GPBP1L1: variants seen among roughly 807,000 people sequenced by gnomAD.
GPBP1L1 encodes GC-rich promoter binding protein 1 like 1.
Under a neutral mutation model 52.5 loss-of-function variants are expected in GPBP1L1, and 23 were observed. That is an observed-to-expected ratio of 0.44 (90% CI 0.32 to 0.62). GPBP1L1 has a LOEUF of 0.62. GPBP1L1 is among the 20% of genes least tolerant of loss of function. The probability of loss-of-function intolerance (pLI) is 0.06; values close to 1 mark genes in which losing one functional copy is unlikely to be tolerated. For synonymous variants in GPBP1L1, 243 were observed against 203.1 expected, an observed-to-expected ratio of 1.20 and a Z score of -1.67; for missense variants, 596 against 579.3, an observed-to-expected ratio of 1.03 and a Z score of -0.30.
At chr1:45,633,672 G>A (rs1445854030) in intron 9 of GPBP1L1, 25 bp from the exon 10 acceptor site, 6 of 1,609,336 alleles carry the variant, frequency 3.7e-6, no homozygotes, top group Non-Finnish European at 5.1e-6. Context: ...CAAACAGGTT[G>A]CTCCTGACAG....
intron 2 of GPBP1L1, among the ~76,000 whole-genome samples, chr1:45,662,702 C>T (rs765456653): frequency 6.6e-6 from 1 of 152,102 alleles, no homozygotes. Context: ...TCAAGTTGAG[C>T]GATGGGTACA....
At chr1:45,684,408 C>T (rs1645254079) in intron 2 of GPBP1L1, among the ~76,000 whole-genome samples, 1 of 151,968 alleles carries the variant, frequency 6.6e-6, no homozygotes, top group African/African-American at 2.4e-5. Flanking sequence ...GTATGATTCA[C>T]GATTGTGTCT....
chr1:45,639,084 T>C (rs765276714), intron 8 of GPBP1L1, among the ~76,000 whole-genome samples: 5 of 152,082 alleles, frequency 3.3e-5, no homozygotes, highest in Non-Finnish European at 5.9e-5. Flanking sequence ...AAAAATCATA[T>C]ATATCAAGCA....
chr1:45,685,095 T>G (rs1047409906), intron 2 of GPBP1L1, among the ~76,000 whole-genome samples: 1 of 151,924 alleles, frequency 6.6e-6, no homozygotes, highest in African/African-American at 2.4e-5. Context: ...AAAGACAGTC[T>G]CTTGTTCAAA....
At chr1:45,642,094 C>T (rs1210225984) in intron 7 of GPBP1L1, among the ~76,000 whole-genome samples, 1 of 152,068 alleles carries the variant, frequency 6.6e-6, no homozygotes, top group African/African-American at 2.4e-5. Context: ...GCTGAGATTG[C>T]GCCACTGCAC....
chr1:45,631,089 TA>T (rs57585739), intron 10 of GPBP1L1, among the ~76,000 whole-genome samples: 47,787 of 143,138 alleles, frequency 0.33, 7,574 homozygotes, highest in Middle Eastern at 0.39. Context: ...ACAGCCACAC[TA>T]AAAAAAAAAA....
At chr1:45,640,550 C>T (rs1349209403) in intron 7 of GPBP1L1, 147 bp from the exon 8 acceptor site, 1 of 658,060 alleles carries the variant, frequency 1.5e-6, no homozygotes, top group African/African-American at 1.8e-5. Flanking sequence ...TTAATAGATA[C>T]TCTCAAAAGT....
At chr1:45,646,106 G>A in intron 6 of GPBP1L1, 1 of 442,296 alleles carries the variant, frequency 2.3e-6, no homozygotes. Context: ...CAATGACTTT[G>A]GAGCATGGCC....
At chr1:45,665,591 A>G (rs1645000218) in intron 2 of GPBP1L1, among the ~76,000 whole-genome samples, 1 of 151,568 alleles carries the variant, frequency 6.6e-6, no homozygotes, top group Non-Finnish European at 1.5e-5. Context: ...AAATACAAAA[A>G]CTAGCCGGGT....
chr1:45,644,611 C>T (rs182317628), intron 6 of GPBP1L1, among the ~76,000 whole-genome samples: 48 of 151,954 alleles, frequency 3.2e-4, no homozygotes, highest in African/African-American at 1.1e-3. Flanking sequence ...GTTTTGTCTC[C>T]AAAAACAATC....
At chr1:45,687,669 A>G (rs1426421550), upstream of GPBP1L1, 1 of 152,278 alleles carries the variant, frequency 6.6e-6, no homozygotes, top group Non-Finnish European at 1.5e-5. Context: ...CCCCAAGCCT[A>G]GGGCCCTTAT....
intron 6 of GPBP1L1, among the ~76,000 whole-genome samples, chr1:45,652,761 G>A (rs909010274): frequency 3.3e-5 from 5 of 150,656 alleles, no homozygotes; most frequent in South Asian, 2.1e-4. Flanking sequence ...TTCCACCTCC[G>A]CCTCCCAAGT....
Position 45,640,257 on chromosome 1 carries a change from T to C in GPBP1L1, c.697A>G (p.Ser233Gly), listed in dbSNP as rs747739295. The C allele has an allele frequency of 1.9e-6, 3 of 1,614,078 alleles. No homozygotes were observed. The highest frequency in any genetic ancestry group is 2.2e-5 in the East Asian group (1 of 44,894). Residue 233 changes from serine to glycine, a missense_variant, in exon 8 of 13, where the codon AGT (serine) becomes GGT (glycine). By Grantham distance (56) the Ser-to-Gly change is moderately conservative. Coordinates refer to ENST00000355105, the MANE Select transcript of GPBP1L1 (RefSeq NM_021639.5). ...NGNKLSSVVP[S>G]VYKNLVPKPV... The stretch of plus-strand genomic sequence containing the variant: ...TTAGGAACCAGGTTCTTATAGACAC[T>C]TGGAACCACGGATGACAATTTGTTC...
At chr1:45,684,248 A>T (rs1415872785) in intron 2 of GPBP1L1, among the ~76,000 whole-genome samples, 2 of 124,236 alleles carry the variant, frequency 1.6e-5, no homozygotes, top group Non-Finnish European at 3.4e-5. Context: ...ACAAGAGCGA[A>T]ACTCCGTCTC....
chr1:45,645,916 G>A, intron 6 of GPBP1L1: 2 of 495,676 alleles, frequency 4.0e-6, no homozygotes, highest in East Asian at 5.4e-5. Flanking sequence ...GAAGTCAAAT[G>A]GTTGGGATAG....
intron 3 of GPBP1L1, 100 bp from the exon 4 acceptor site, chr1:45,659,242 C>T: frequency 1.4e-6 from 1 of 695,118 alleles, no homozygotes; most frequent in Non-Finnish European, 2.4e-6. Context: ...TACAGAAAGA[C>T]CTGCCCTCTG....
intron 8 of GPBP1L1, among the ~76,000 whole-genome samples, chr1:45,639,380 G>C (rs1330659994): frequency 1.3e-5 from 2 of 152,164 alleles, no homozygotes; most frequent in African/African-American, 4.8e-5. Context: ...AGGAAGAGAA[G>C]AGAAGTAGCC....
At chr1:45,686,316 T>G (rs570023128) in intron 1 of GPBP1L1, 96 bp downstream of exon 1, 1 of 152,300 alleles carries the variant, frequency 6.6e-6, no homozygotes, top group Non-Finnish European at 1.5e-5. Context: ...TTCTTTCAAC[T>G]AGTTTTAACA....
Position 45,629,610 on chromosome 1 carries a change from T to C in GPBP1L1, c.1238A>G (p.Asp413Gly), listed in dbSNP as rs141695515. 65 of 1,612,796 alleles carry C rather than the reference T, an allele frequency of 4.0e-5. No homozygotes were observed. Among genetic ancestry groups the C allele is most frequent in the Admixed American group, 2.7e-4 (16 of 59,994 alleles). The part of the protein sequence containing the change: ...NDENCLPLTE[D>G]ELKEFHMKTE... Reference sequence around the variant, plus strand: ...CTTCATGTGGAACTCTTTGAGCTCATCCTCTGTGAGGGGAAGGCAATTCTC... The same window carrying C: ...CTTCATGTGGAACTCTTTGAGCTCACCCTCTGTGAGGGGAAGGCAATTCTC... The change falls in exon 12 of 13, where the codon GAT becomes GGT. Residue 413 changes from aspartate (D) to glycine (G), a missense_variant. By Grantham distance (94) the Asp-to-Gly change is moderately conservative. Transcript: ENST00000355105.
Sources: gnomAD v4.1 joint callset for allele counts (sites outside exome capture counted in the v4.1 genomes callset) on GRCh38, gnomAD v4.1.1 for gene constraint, MANE v1.5 for transcripts, NCBI Gene and HGNC (gene_info 2026-07-23, HGNC 2026-07-21) for gene names.